SETBP1: variants seen among roughly 807,000 people sequenced by gnomAD.
The protein encoded by SETBP1 is SET binding protein 1, also known as SET-binding protein.
SETBP1 carries 9 observed loss-of-function variants against 101.0 expected under a neutral mutation model. That is an observed-to-expected ratio of 0.09 (90% CI 0.05 to 0.16). SETBP1 has a LOEUF of 0.16. Ranked by LOEUF, SETBP1 falls within the 10% of genes least tolerant of loss-of-function variation. SETBP1 has a pLI of 1.00. For missense variants in SETBP1, 1,858 were observed against 2,033.8 expected, an observed-to-expected ratio of 0.91 and a Z score of 1.66; for synonymous variants, 818 against 788.5, an observed-to-expected ratio of 1.04 and a Z score of -0.63.
chr18:44,775,330 T>C (rs538574205), intron 2 of SETBP1, among the ~76,000 whole-genome samples: 1 of 152,220 alleles, frequency 6.6e-6, no homozygotes, highest in Non-Finnish European at 1.5e-5. Context: ...GATATTTCTA[T>C]GTGATACCTG....
Position 44,911,092 on chromosome 18 carries a change from A to G in SETBP1, c.541-38789A>G, listed in dbSNP as rs182976518. ...GAGAAACAGTTTCCATAAAATAAAA[A>G]GACCATTGGACCTGGCTCAAATTTG... On this transcript the variant is annotated intron_variant, in intron 3 of 5. Transcript: ENST00000649279. Among the ~76,000 whole-genome samples the G allele has an allele frequency of 5.1e-3, 783 of 152,358 alleles. 9 individuals carry two copies. Among genetic ancestry groups the G allele is most frequent in the African/African-American group, 0.018 (755 of 41,578 alleles).
chr18:44,787,900 A>G (rs1449809160), intron 2 of SETBP1, among the ~76,000 whole-genome samples: 7 of 145,058 alleles, frequency 4.8e-5, no homozygotes, highest in South Asian at 4.4e-4. Context: ...TCTCTAAGGA[A>G]AAAAAGGAAA....
chr18:44,744,338 C>T (rs1283530038), intron 2 of SETBP1, among the ~76,000 whole-genome samples: 1 of 152,244 alleles, frequency 6.6e-6, no homozygotes, highest in East Asian at 1.9e-4. Flanking sequence ...ACCCGTTGTT[C>T]TGCAGCTGAT....
chr18:44,784,915 A>C (rs934352808), intron 2 of SETBP1, among the ~76,000 whole-genome samples: 18 of 152,178 alleles, frequency 1.2e-4, no homozygotes, highest in African/African-American at 4.3e-4. Flanking sequence ...ATTACTGATA[A>C]AATCTGGAGT....
chr18:44,971,565 A>G (rs1439120154), intron 4 of SETBP1, among the ~76,000 whole-genome samples: 3 of 152,222 alleles, frequency 2.0e-5, no homozygotes, highest in African/African-American at 4.8e-5. Context: ...AATGATCGCC[A>G]TTCTAACTGG....
intron 2 of SETBP1, among the ~76,000 whole-genome samples, chr18:44,781,612 C>G (rs2071133238): frequency 6.7e-6 from 1 of 149,646 alleles, no homozygotes; most frequent in Admixed American, 6.7e-5. Context: ...AATGCCTAAT[C>G]AATGTTTGAG....
intron 2 of SETBP1, among the ~76,000 whole-genome samples, chr18:44,788,859 G>A (rs756521974): frequency 1.5e-5 from 2 of 135,712 alleles, no homozygotes; most frequent in South Asian, 2.3e-4. Context: ...GTGAACTGGC[G>A]TGATCATTGC....
chr18:44,921,545 G>A (rs2070579900), intron 3 of SETBP1, among the ~76,000 whole-genome samples: 1 of 152,180 alleles, frequency 6.6e-6, no homozygotes, highest in Non-Finnish European at 1.5e-5. Context: ...ATAATCAAAA[G>A]AACAAAAATA....
At chr18:45,001,247 T>G (rs1248057960) in intron 4 of SETBP1, among the ~76,000 whole-genome samples, 2 of 152,140 alleles carry the variant, frequency 1.3e-5, no homozygotes, top group Non-Finnish European at 2.9e-5. Flanking sequence ...TTGTCACCAC[T>G]CAAAGCCTGT....
chr18:44,863,567 G>A (rs1212155685), intron 2 of SETBP1, among the ~76,000 whole-genome samples: 1 of 152,200 alleles, frequency 6.6e-6, no homozygotes, highest in African/African-American at 2.4e-5. Flanking sequence ...AAAGTAAGAA[G>A]TGAGTAACAC....
chr18:44,973,920 G>A (rs558095899), intron 4 of SETBP1, among the ~76,000 whole-genome samples: 1 of 152,248 alleles, frequency 6.6e-6, no homozygotes, highest in South Asian at 2.1e-4. Context: ...TCTCTGAGTC[G>A]TGCCTTAGGA....
At chr18:44,900,809 C>T (rs746001012) in intron 3 of SETBP1, among the ~76,000 whole-genome samples, 118 of 152,268 alleles carry the variant, frequency 7.7e-4, no homozygotes, top group Admixed American at 6.5e-4. Context: ...GGCCTCCCAA[C>T]TCTGCTTGAG....
At chr18:44,780,671 C>G (rs957737320) in intron 2 of SETBP1, among the ~76,000 whole-genome samples, 1 of 152,196 alleles carries the variant, frequency 6.6e-6, no homozygotes. Context: ...GTACTAGACC[C>G]CAGCCTTACA....
At chr18:44,925,136 C>T (rs970802914) in intron 3 of SETBP1, among the ~76,000 whole-genome samples, 3 of 147,950 alleles carry the variant, frequency 2.0e-5, no homozygotes, top group Non-Finnish European at 3.0e-5. Context: ...AGCGCTCAAG[C>T]TGTTGGGTAC....
intron 2 of SETBP1, among the ~76,000 whole-genome samples, chr18:44,779,945 C>T (rs191639040): frequency 1.3e-3 from 203 of 151,918 alleles, no homozygotes; most frequent in Non-Finnish European, 1.3e-3. Context: ...CACACACACA[C>T]GCACGCACAC....
intron 2 of SETBP1, among the ~76,000 whole-genome samples, chr18:44,835,575 T>C (rs1167556966): frequency 6.6e-6 from 1 of 152,238 alleles, no homozygotes; most frequent in East Asian, 1.9e-4. Context: ...AATTTAACTA[T>C]TGTCCTATAT....
intron 4 of SETBP1, among the ~76,000 whole-genome samples, chr18:45,002,113 G>A (rs528299190): frequency 6.6e-6 from 1 of 152,172 alleles, no homozygotes; most frequent in East Asian, 1.9e-4. Context: ...CTCCCCCACA[G>A]TTCAGTTCCC....
chr18:45,063,426 G>T lies in SETBP1; in HGVS notation c.4519G>T (p.Ala1507Ser), dbSNP rs932415672. ...CGCCGCCAGCCAAGACACCATCATG[G>T]CCACCATCGAGGCGGTCATCCACAT... ...EPAASQDTIMATIEAVIHMAR... is the reference protein window; with the variant it reads ...EPAASQDTIMSTIEAVIHMAR... Residue 1507 changes from alanine to serine, a missense_variant, in exon 6 of 6, where the codon GCC (alanine) becomes TCC (serine). Ala to Ser is a moderately conservative substitution (Grantham distance 99, BLOSUM62 1). Coordinates refer to ENST00000649279, the MANE Select transcript of SETBP1 (RefSeq NM_015559.3). 29 of 1,517,404 alleles carry T rather than the reference G, an allele frequency of 1.9e-5. No homozygotes were observed. The highest frequency in any genetic ancestry group is 2.4e-5 in the Non-Finnish European group (27 of 1,131,906). 94.0% of individuals were successfully genotyped at this position (1,517,404 alleles called of 1,614,324 possible). A position where few individuals can be genotyped will look rare whatever the true frequency, so the allele number is the denominator to read the frequency against.
chr18:44,711,113 C>T (rs2069329865), intron 2 of SETBP1, among the ~76,000 whole-genome samples: 1 of 152,166 alleles, frequency 6.6e-6, no homozygotes, highest in Admixed American at 6.5e-5. Context: ...GCTGAGGCCG[C>T]CATCTGAGTG....
Sources: gnomAD v4.1 joint callset for allele counts (sites outside exome capture counted in the v4.1 genomes callset) on GRCh38, gnomAD v4.1.1 for gene constraint, MANE v1.5 for transcripts, NCBI Gene and HGNC (gene_info 2026-07-23, HGNC 2026-07-21) for gene names.